The following CCT8 variants were observed in gnomAD, a reference collection of about 807,000 sequenced individuals.
CCT8 encodes the protein T-complex protein 1 subunit theta.
In CCT8, 10 loss-of-function variants were observed where a neutral mutation model predicts 65.7. The ratio of observed to expected loss-of-function variants is 0.15; its 90% CI spans 0.09 to 0.26. The LOEUF (loss-of-function observed/expected upper bound fraction) is 0.26, where lower values mean the gene tolerates loss of function less well. CCT8 is among the 10% of genes least tolerant of loss of function. The probability of loss-of-function intolerance (pLI) is 1.00; values close to 1 mark genes in which losing one functional copy is unlikely to be tolerated. For missense variants in CCT8, 568 were observed against 669.1 expected (o/e 0.85, Z 1.67); for synonymous variants, 199 against 221.8 (o/e 0.90, Z 0.92).
At chr21:29,059,274 T>C (rs999528211) in intron 14 of CCT8, 3 of 152,252 alleles carry the variant, frequency 2.0e-5, no homozygotes, top group African/African-American at 7.2e-5. Context: ...CTATACACTA[T>C]ATACACAAAC....
At chr21:29,059,318 A>G (rs1182830537) in intron 14 of CCT8, 1 of 152,244 alleles carries the variant, frequency 6.6e-6, no homozygotes, top group East Asian at 1.9e-4. Flanking sequence ...CTTTAGATAC[A>G]TACTTCACAT....
rs748215410 is a variant in CCT8 at position 29,062,306 on chromosome 21, A to T, written c.1096+22T>A. ...AGAAGCTAAAGCCCTACACTTAAAC[A>T]TGTTTTACCATTCCTACATACCATG... On this transcript the variant is annotated intron_variant, in intron 10 of 14. Transcript: ENST00000286788. The T allele has an allele frequency of 2.5e-6, 4 of 1,607,690 alleles. No homozygotes were observed. In the Admixed American group the frequency reaches 5.0e-5, roughly 20 times the overall value.
chr21:29,062,719 G>A, intron 8 of CCT8, 163 bp from the exon 9 acceptor site: 1 of 628,860 alleles, frequency 1.6e-6, no homozygotes, highest in South Asian at 2.0e-5. Flanking sequence ...CTAAGGCCAG[G>A]AAGCTGATTC....
At position 29,063,363 on chromosome 21, in the gene CCT8, GATATT is replaced by G; in HGVS notation, c.925_929del (p.Asn309HisfsTer16). 6.2e-7 allele frequency: 1 copy of G among 1,611,382 alleles called. No homozygotes were observed. The highest frequency in any genetic ancestry group is 1.3e-5 in the African/African-American group (1 of 74,884). ...CGGCTTTTTCTTACCTCACTAACAT[GATATT>G]ATATTTATTTGCATAATGAAGAGCC... On this transcript the variant is annotated frameshift_variant, in exon 8 of 15. Transcript: ENST00000286788. LOFTEE classifies it high-confidence loss of function.
At position 29,069,434 on chromosome 21, in the gene CCT8, TTAAAA is replaced by T. The variant is rs763355890; in HGVS notation, c.215_219del (p.Ile72LysfsTer43). 1 of 1,574,514 alleles carries T rather than the reference TTAAAA, an allele frequency of 6.4e-7. No homozygotes were observed. Among genetic ancestry groups the T allele is most frequent in the South Asian group, 1.2e-5 (1 of 83,738 alleles). ...AAGAAACAACTTACTTCTAGTTCTC[TTAAAA>T]TAGTTGCTGCATCGTTTGTCACAAA... is the stretch of plus-strand genomic sequence containing the variant. On this transcript the variant is annotated frameshift_variant, in exon 3 of 15. Coordinates refer to ENST00000286788, the MANE Select transcript of CCT8 (RefSeq NM_006585.4). LOFTEE classifies it high-confidence loss of function.
intron 8 of CCT8, chr21:29,062,795 G>A (rs1355565612): frequency 1.9e-6 from 1 of 526,050 alleles, no homozygotes. Context: ...GTATGGCATT[G>A]TTCTAGAATT....
At chr21:29,066,491 G>A (rs933928319) in intron 6 of CCT8, among the ~76,000 whole-genome samples, 3 of 152,156 alleles carry the variant, frequency 2.0e-5, no homozygotes, top group Non-Finnish European at 4.4e-5. Context: ...GTGAGCCGAG[G>A]TCATGTCATT....
chr21:29,062,204 C>T lies in CCT8; in HGVS notation c.1136G>A (p.Gly379Asp). The T allele has an allele frequency of 6.2e-7, 1 of 1,613,824 alleles. No individual in the cohort carries two copies. Among genetic ancestry groups the T allele is most frequent in the Non-Finnish European group, 8.5e-7 (1 of 1,179,868 alleles). Residue 379 changes from glycine (G) to aspartate (D), a missense_variant, in exon 11 of 15, where the codon GGC (glycine) becomes GAC (aspartate). Transcript: ENST00000286788. ...DGAISTIVLR[G>D]STDNLMDDIE... ...GTCATCCATCAGATTGTCTGTAGAG[C>T]CTCGAAGTACTATGGTAGAAATGGC...
chr21:29,062,682 CAG>C, intron 8 of CCT8, 126 bp from the exon 9 acceptor site: 1 of 731,766 alleles, frequency 1.4e-6, no homozygotes, highest in South Asian at 1.8e-5. Flanking sequence ...GATTTTAACT[CAG>C]AACATGTCTG....
intron 7 of CCT8, among the ~76,000 whole-genome samples, chr21:29,064,556 T>G (rs899176117): frequency 2.0e-5 from 3 of 152,120 alleles, no homozygotes; most frequent in Non-Finnish European, 4.4e-5. Context: ...CAGCCACTAT[T>G]GACTATAAAC....
At chr21:29,070,167 T>C (rs2085665580) in intron 2 of CCT8, 80 bp downstream of exon 2, 3 of 794,014 alleles carry the variant, frequency 3.8e-6, no homozygotes, top group Non-Finnish European at 5.9e-6. Context: ...TACCATAACA[T>C]CCTCAGAACA....
chr21:29,057,767 A>C (rs927335486), intron 14 of CCT8, among the ~76,000 whole-genome samples: 3 of 101,574 alleles, frequency 3.0e-5, no homozygotes, highest in African/African-American at 7.0e-5. Context: ...GATATGAGAT[A>C]TATATGATAT....
In CCT8 at chr21:29,066,871, AT is replaced by A. The variant is rs771674921; in HGVS notation, c.562+19del. On this transcript the variant is annotated intron_variant, in intron 5 of 14. Transcript: ENST00000286788. ...AGGTATTTTTATTTTGGATCTTTTCATTTACTGATATTTACTTACCGCATGC... is the reference window on the plus strand; with the variant it reads ...AGGTATTTTTATTTTGGATCTTTTCATTACTGATATTTACTTACCGCATGC... The A allele has an allele frequency of 6.3e-7, 1 of 1,591,048 alleles. No individual in the cohort carries two copies. Among genetic ancestry groups the A allele is most frequent in the South Asian group, 1.1e-5 (1 of 88,816 alleles).
intron 14 of CCT8, among the ~76,000 whole-genome samples, chr21:29,058,802 C>G (rs910863972): frequency 2.6e-5 from 4 of 151,914 alleles, no homozygotes; most frequent in Admixed American, 6.6e-5. Context: ...CCATGTTAGC[C>G]AGGATGGTCT....
intron 1 of CCT8, 115 bp downstream of exon 1, chr21:29,073,416 C>T: frequency 6.4e-7 from 1 of 1,554,074 alleles, no homozygotes; most frequent in Non-Finnish European, 8.7e-7. Flanking sequence ...TTCTCTTCCC[C>T]CGGCCGCTGA....
intron 14 of CCT8, chr21:29,059,612 T>C (rs1568908999): frequency 6.6e-6 from 1 of 152,246 alleles, no homozygotes; most frequent in South Asian, 2.1e-4. Flanking sequence ...TAGGTTTCTA[T>C]TTAAGAACTC....
At chr21:29,066,463 C>T (rs1469123825) in intron 6 of CCT8, among the ~76,000 whole-genome samples, 1 of 151,552 alleles carries the variant, frequency 6.6e-6, no homozygotes, top group African/African-American at 2.4e-5. Context: ...TCACTTGAAC[C>T]GGGAGGCGGA....
chr21:29,058,417 G>C (rs2085527970), intron 14 of CCT8, among the ~76,000 whole-genome samples: 1 of 151,838 alleles, frequency 6.6e-6, no homozygotes, highest in South Asian at 2.1e-4. Context: ...CTCCAGCCTG[G>C]TGACAGAGCA....
rs746432471 is a variant in CCT8, at chr21:29,066,907, A to C, written c.546T>G (p.Leu182=). Residue 182 remains leucine, a synonymous_variant, in exon 5 of 15, where the codon CTT becomes CTG. Transcript: ENST00000286788. ...QYGNEVFLAK[L]IAQACVSIFP... is the part of the protein sequence containing the mutation. Reference sequence around the variant, plus strand: ...TTTACTTACCGCATGCCTGAGCAATAAGCTTGGCCAGAAATACTTCATTAC... The same window carrying C: ...TTTACTTACCGCATGCCTGAGCAATCAGCTTGGCCAGAAATACTTCATTAC... 1.2e-6 allele frequency: 2 copies of C among 1,606,342 alleles called. No homozygotes were observed. Among genetic ancestry groups the C allele is most frequent in the African/African-American group, 2.7e-5 (2 of 74,768 alleles).
Sources: gnomAD v4.1 joint callset for allele counts (sites outside exome capture counted in the v4.1 genomes callset) on GRCh38, gnomAD v4.1.1 for gene constraint, MANE v1.5 for transcripts, NCBI Gene and HGNC (gene_info 2026-07-23, HGNC 2026-07-21) for gene names.